The following OPHN1 variants were observed in gnomAD, a reference collection of about 807,000 sequenced individuals.
OPHN1 encodes oligophrenin-1.
Under a neutral mutation model 60.7 loss-of-function variants are expected in OPHN1, and 11 were observed. The ratio of observed to expected loss-of-function variants is 0.18; its 90% CI spans 0.11 to 0.30. The LOEUF is 0.30. OPHN1 is among the 10% of genes least tolerant of loss of function. The pLI, the probability that OPHN1 is intolerant of heterozygous loss-of-function variation, is 1.00. For synonymous variants in OPHN1, 226 were observed against 222.6 expected, an observed-to-expected ratio of 1.02 and a Z score of -0.14; for missense variants, 449 against 611.0, an observed-to-expected ratio of 0.73 and a Z score of 2.80.
In OPHN1 at chrX:68,176,524, A is replaced by G. The variant is rs191701316; in HGVS notation, c.1276+16395T>C. Among the ~76,000 whole-genome samples, 6 of 111,856 alleles carry G rather than the reference A, an allele frequency of 5.4e-5. No individual in the cohort carries two copies. In the East Asian group the frequency reaches 1.4e-3, roughly 26 times the overall value. On this transcript the variant is annotated intron_variant, in intron 15 of 24. Coordinates refer to ENST00000355520, the MANE Select transcript of OPHN1 (RefSeq NM_002547.3). ...GGCTACATATCAAAAATAAATAAAT[A>G]AGGAAAATTCAAAGTGTTGGTGAGG... is the stretch of plus-strand genomic sequence containing the variant.
chrX:68,287,188 AAGGGAGGGAGGGAGGAGAAGGG>A (rs2078047289), intron 3 of OPHN1, among the ~76,000 whole-genome samples: 5 of 99,382 alleles, frequency 5.0e-5, no homozygotes, highest in African/African-American at 1.1e-4. Context: ...AAAGAAAGAA[AAGGGAGGGAGGGAGGAGAAGGG>A]GAAGGGAAGA....
At chrX:68,232,475 A>G (rs990096437) in intron 6 of OPHN1, among the ~76,000 whole-genome samples, 1 of 111,979 alleles carries the variant, frequency 8.9e-6, no homozygotes, top group Non-Finnish European at 1.9e-5. Context: ...AGAAAATGTT[A>G]TCAGTCAGGG....
intron 6 of OPHN1, among the ~76,000 whole-genome samples, chrX:68,226,667 G>C (rs904427373): frequency 1.3e-4 from 14 of 111,361 alleles, no homozygotes; most frequent in African/African-American, 4.6e-4. Context: ...ATACTTTACA[G>C]ACAAGCAAAT....
At chrX:68,266,968 G>C (rs1159043813) in intron 5 of OPHN1, among the ~76,000 whole-genome samples, 1 of 111,803 alleles carries the variant, frequency 8.9e-6, no homozygotes, top group African/African-American at 3.3e-5. Flanking sequence ...AATTTAACAA[G>C]AAGAGCTAAC....
At chrX:68,336,969 G>A (rs1221779573) in intron 2 of OPHN1, among the ~76,000 whole-genome samples, 2 of 110,347 alleles carry the variant, frequency 1.8e-5, no homozygotes, top group East Asian at 5.7e-4. Context: ...GCTGATGCAG[G>A]AGAATTGCTT....
chrX:68,088,754 A>G (rs1292381423), intron 19 of OPHN1, among the ~76,000 whole-genome samples: 1 of 110,789 alleles, frequency 9.0e-6, no homozygotes, highest in Admixed American at 9.6e-5. Flanking sequence ...CAAAAACTCT[A>G]TGAAGTATGT....
intron 5 of OPHN1, among the ~76,000 whole-genome samples, chrX:68,235,354 T>C (rs2077747540): frequency 8.9e-6 from 1 of 111,855 alleles, no homozygotes; most frequent in Admixed American, 9.5e-5. Context: ...GGAAAATCAA[T>C]GTAAATGGCT....
chrX:68,373,903 G>A (rs994284277), intron 2 of OPHN1, among the ~76,000 whole-genome samples: 1 of 109,628 alleles, frequency 9.1e-6, no homozygotes, highest in Admixed American at 9.8e-5. Flanking sequence ...ACAATTGGGG[G>A]AAGAAAAAAA....
chrX:68,082,955 G>A (rs941281125), intron 19 of OPHN1, among the ~76,000 whole-genome samples: 1 of 108,950 alleles, frequency 9.2e-6, no homozygotes, highest in Non-Finnish European at 1.9e-5. Flanking sequence ...GGATAACTTG[G>A]TACAGCTTTT....
intron 15 of OPHN1, among the ~76,000 whole-genome samples, chrX:68,159,532 T>C (rs2077324665): frequency 8.9e-6 from 1 of 111,957 alleles, no homozygotes; most frequent in Non-Finnish European, 1.9e-5. Flanking sequence ...AATCAACAAG[T>C]TTTTAAAATT....
chrX:68,092,197 TTATAA>T (rs750100947), intron 19 of OPHN1, among the ~76,000 whole-genome samples: 465 of 111,242 alleles, frequency 4.2e-3, no homozygotes, highest in Non-Finnish European at 6.7e-3. Flanking sequence ...ATTACTGAAA[TTATAA>T]TATATTTCAA....
intron 18 of OPHN1, among the ~76,000 whole-genome samples, chrX:68,107,791 G>A (rs1481026309): frequency 8.9e-6 from 1 of 111,999 alleles, no homozygotes; most frequent in African/African-American, 3.2e-5. Context: ...CGTTATTACT[G>A]ATGCTAACTT....
At chrX:68,155,072 G>A (rs1244188376) in intron 15 of OPHN1, among the ~76,000 whole-genome samples, 1 of 110,592 alleles carries the variant, frequency 9.0e-6, no homozygotes, top group Non-Finnish European at 1.9e-5. Flanking sequence ...TCAGTTTCAA[G>A]TGAAACTGCA....
intron 16 of OPHN1, among the ~76,000 whole-genome samples, chrX:68,117,261 T>A (rs1025910187): frequency 9.0e-6 from 1 of 111,548 alleles, no homozygotes; most frequent in East Asian, 2.8e-4. Flanking sequence ...TTTCCCTCTG[T>A]CTGGAACCCA....
chrX:68,415,082 G>C (rs938470275), intron 2 of OPHN1, among the ~76,000 whole-genome samples: 2 of 111,757 alleles, frequency 1.8e-5, no homozygotes, highest in Non-Finnish European at 3.8e-5. Flanking sequence ...AGCCACGTCT[G>C]TCTTGGCTGA....
At chrX:68,067,897 T>C (rs903668883) in intron 20 of OPHN1, among the ~76,000 whole-genome samples, 2 of 111,850 alleles carry the variant, frequency 1.8e-5, no homozygotes, top group Non-Finnish European at 3.8e-5. Flanking sequence ...GATATTATAG[T>C]AAATAAATAA....
intron 5 of OPHN1, among the ~76,000 whole-genome samples, chrX:68,255,777 C>T (rs140060515): frequency 0.01 from 1,135 of 110,758 alleles, 12 homozygotes; most frequent in African/African-American, 0.035. Flanking sequence ...CTTGTTCTGT[C>T]TCTTTGAAGA....
intron 5 of OPHN1, among the ~76,000 whole-genome samples, chrX:68,260,325 G>A (rs1235048953): frequency 9.1e-6 from 1 of 110,280 alleles, no homozygotes; most frequent in East Asian, 2.8e-4. Context: ...CTATGTTACG[G>A]TGAACAACAG....
At chrX:68,328,080 C>G (rs1176188432) in intron 2 of OPHN1, among the ~76,000 whole-genome samples, 1 of 101,199 alleles carries the variant, frequency 9.9e-6, no homozygotes, top group African/African-American at 3.7e-5. Context: ...CCACCCGCCT[C>G]GGCCTCCCAA....
Sources: gnomAD v4.1 joint callset for allele counts (sites outside exome capture counted in the v4.1 genomes callset) on GRCh38, gnomAD v4.1.1 for gene constraint, MANE v1.5 for transcripts, NCBI Gene and HGNC (gene_info 2026-07-23, HGNC 2026-07-21) for gene names.